The following CD40 variants were observed in gnomAD, a reference collection of about 807,000 sequenced individuals.
CD40 encodes CD40 molecule, also known as tumor necrosis factor receptor superfamily member 5.
Under a neutral mutation model 38.5 loss-of-function variants are expected in CD40, and 19 were observed. The observed-to-expected ratio is 0.49, with a 90% CI of 0.34 to 0.72. The LOEUF (loss-of-function observed/expected upper bound fraction) is 0.72. Among genes scored for constraint, CD40 ranks in the 30% least tolerant of loss-of-function variants. The probability of loss-of-function intolerance (pLI) is 0.01; values close to 1 mark genes in which losing one functional copy is unlikely to be tolerated. For missense variants in CD40, 256 were observed against 344.1 expected, an observed-to-expected ratio of 0.74 and a Z score of 2.03; for synonymous variants, 130 against 128.7, an observed-to-expected ratio of 1.01 and a Z score of -0.07.
chr20:46,127,826 G>T (rs1375119650), intron 6 of CD40, among the ~76,000 whole-genome samples: 1 of 152,224 alleles, frequency 6.6e-6, no homozygotes, highest in Admixed American at 6.5e-5. Context: ...CTCGCTTCTA[G>T]ATGGTTCCCA....
rs11699100 is a variant in CD40 at position 46,122,776 on chromosome 20, A to G, written c.403+20A>G. On this transcript the variant is annotated intron_variant, in intron 4 of 8. Coordinates refer to ENST00000372285, the MANE Select transcript of CD40 (RefSeq NM_001250.6). The surrounding 1 kb of genome is among the most constrained non-coding windows in gnomAD (Gnocchi z 5.0). ...AGATTGGTAAGTGGCTCATCTGGGA[A>G]TCAGTTTTGGAGGGGGACAGAGGAG... 41,479 of 1,613,894 alleles carry G rather than the reference A, an allele frequency of 0.026. 627 individuals carry two copies. The highest frequency in any genetic ancestry group is 0.029 in the Non-Finnish European group (33,982 of 1,179,864).
In CD40 at chr20:46,129,205, G is replaced by A; in HGVS notation, c.*165G>A. 1.4e-6 allele frequency: 1 copy of A among 730,956 alleles called. No individual in the cohort carries two copies. 45.3% of individuals were successfully genotyped at this position (730,956 alleles called of 1,614,324 possible). On this transcript the variant is annotated 3_prime_UTR_variant, in exon 9 of 9. Coordinates refer to ENST00000372285, the MANE Select transcript of CD40 (RefSeq NM_001250.6). ...AGTTTGAGACAGGAGACCTGGCACT[G>A]GATGCAGAAACAGTTCACCTTGAAG...
At chr20:46,121,565 T>C (rs2085318217) in intron 1 of CD40, among the ~76,000 whole-genome samples, 1 of 152,218 alleles carries the variant, frequency 6.6e-6, no homozygotes, top group Non-Finnish European at 1.5e-5. Context: ...AATTCTGTTC[T>C]GTTCAGAGAA....
Position 46,122,697 on chromosome 20 carries a change from C to A in CD40, c.344C>A (p.Ala115Asp), listed in dbSNP as rs537489349. Reference sequence around the variant, plus strand: ...GAAGGCTGGCACTGTACGAGTGAGGCCTGTGAGAGCTGTGTCCTGCACCGC... The same window carrying A: ...GAAGGCTGGCACTGTACGAGTGAGGACTGTGAGAGCTGTGTCCTGCACCGC... ...CEEGWHCTSE[A>D]CESCVLHRSC... is the part of the protein sequence containing the mutation. The change falls in exon 4 of 9, where the codon GCC becomes GAC. Residue 115 changes from alanine to aspartate, a missense_variant. Transcript: ENST00000372285. This position sits in a 1 kb window ranked among gnomAD's most constrained non-coding sequence, Gnocchi z 5.0. 2.0e-5 allele frequency: 33 copies of A among 1,614,136 alleles called. No homozygotes were observed. The South Asian group carries it at 3.5e-4, about 17-fold the overall frequency.
intron 5 of CD40, among the ~76,000 whole-genome samples, chr20:46,123,621 C>G (rs1568907637): frequency 1.3e-5 from 2 of 152,258 alleles, no homozygotes; most frequent in East Asian, 3.9e-4. Context: ...CAAACCCACA[C>G]CAGGTCCTGC....
chr20:46,126,472 G>A (rs3746821), intron 5 of CD40, among the ~76,000 whole-genome samples, 168 bp from the exon 6 acceptor site: 4 of 152,100 alleles, frequency 2.6e-5, no homozygotes, highest in African/African-American at 9.7e-5. Context: ...AGTCTGTGTC[G>A]TTCCTATAAT....
At chr20:46,127,321 A>G (rs2085457148) in intron 6 of CD40, 1 of 155,254 alleles carries the variant, frequency 6.4e-6, no homozygotes, top group Admixed American at 6.3e-5. Context: ...ATTTTTAAAA[A>G]TAAAAATTAA....
At chr20:46,128,783 G>A (rs776250779) in intron 8 of CD40, 99 bp from the exon 9 acceptor site, 14 of 1,304,578 alleles carry the variant, frequency 1.1e-5, no homozygotes, top group Non-Finnish European at 1.5e-5. Flanking sequence ...CTGGGAAAGG[G>A]GGGAGGGCTT....
At chr20:46,128,764 AC>A in intron 8 of CD40, 117 bp from the exon 9 acceptor site, 1 of 1,108,246 alleles carries the variant, frequency 9.0e-7, no homozygotes, top group Non-Finnish European at 1.3e-6. Context: ...ATCAGCACTG[AC>A]CCGCCGTCTG....
In CD40 at chr20:46,128,304, C is replaced by G; in HGVS notation, c.647-26C>G. On this transcript the variant is annotated intron_variant, in intron 7 of 8. Transcript: ENST00000372285. ...TATCTGGCCTCTCCAACTCCCCATC[C>G]TTTTTTTTTTTTTTTTTTTTTTTAG... 5 of 1,439,750 alleles carry G rather than the reference C, an allele frequency of 3.5e-6. No individual in the cohort carries two copies. The South Asian group carries it at 6.4e-5, about 18-fold the overall frequency. 89.2% of individuals were successfully genotyped at this position (1,439,750 alleles called of 1,614,324 possible).
chr20:46,124,887 C>T (rs2085399657), intron 5 of CD40, among the ~76,000 whole-genome samples: 2 of 150,818 alleles, frequency 1.3e-5, no homozygotes, highest in African/African-American at 4.9e-5. Flanking sequence ...CTGCCTCAGC[C>T]TCCTGAGTAG....
In CD40 at chr20:46,124,751, G is replaced by GTTTTTTTTTTTTT. The variant is rs780015926; in HGVS notation, c.497+1553_497+1565dup. ...GATAACTGGAGGCACCACTGGTATA[G>GTTTTTTTTTTTTT]TTTTTTTTTTTTTTTTTTTTTTTTT... On this transcript the variant is annotated intron_variant, in intron 5 of 8. Coordinates refer to ENST00000372285, the MANE Select transcript of CD40 (RefSeq NM_001250.6). Among the ~76,000 whole-genome samples the GTTTTTTTTTTTTT allele has an allele frequency of 5.4e-4, 40 of 73,952 alleles. 8 individuals are homozygous for GTTTTTTTTTTTTT. Among genetic ancestry groups the GTTTTTTTTTTTTT allele is most frequent in the Non-Finnish European group, 7.3e-4 (30 of 40,978 alleles). 48.5% of individuals were successfully genotyped at this position (73,952 alleles called of 152,430 possible). A position where few individuals can be genotyped will look rare whatever the true frequency, so the allele number is the denominator to read the frequency against.
At chr20:46,123,589 C>T (rs777316398) in intron 5 of CD40, among the ~76,000 whole-genome samples, 6 of 152,170 alleles carry the variant, frequency 3.9e-5, no homozygotes, top group Non-Finnish European at 7.3e-5. Context: ...CCCTGAGGGC[C>T]TCCCTCTCTT....
rs1211645093 is a variant in CD40, at chr20:46,118,376, G to A, written c.33G>A (p.Trp11Ter). The change falls in exon 1 of 9, where the codon TGG (tryptophan) becomes TGA (stop). Residue 11 changes from tryptophan to a stop codon, truncating the protein, a stop_gained. Transcript: ENST00000372285. LOFTEE classifies it high-confidence loss of function. ...GTCTGCCTCTGCAGTGCGTCCTCTGGGGCTGCTTGCTGACCGCTGTGAGTT... is the reference window on the plus strand; with the variant it reads ...GTCTGCCTCTGCAGTGCGTCCTCTGAGGCTGCTTGCTGACCGCTGTGAGTT... Reference protein sequence around the residue: MVRLPLQCVLWGCLLTAVHPE... With the variant: MVRLPLQCVL The A allele has an allele frequency of 6.2e-7, 1 of 1,614,016 alleles. No individual in the cohort carries two copies. Among genetic ancestry groups the A allele is most frequent in the Non-Finnish European group, 8.5e-7 (1 of 1,180,010 alleles).
chr20:46,124,100 C>A (rs2085372900), intron 5 of CD40, among the ~76,000 whole-genome samples: 1 of 152,146 alleles, frequency 6.6e-6, no homozygotes, highest in Non-Finnish European at 1.5e-5. Flanking sequence ...GAGTTCAAGA[C>A]CAGCCAGCAC....
At chr20:46,124,565 T>TACCATAC (rs1382704232) in intron 5 of CD40, among the ~76,000 whole-genome samples, 1 of 150,988 alleles carries the variant, frequency 6.6e-6, no homozygotes, top group Non-Finnish European at 1.5e-5. Context: ...AATAGGAGTA[T>TACCATAC]ACATTTTATT....
Position 46,121,906 on chromosome 20 carries a change from G to A in CD40, c.130+8G>A. ...GTTCTTTGTGCCAGCCAGGTGAGAT[G>A]CCAACCCTCTAGCCCCATCATGGAG... On this transcript the variant is annotated splice_region_variant and intron_variant, in intron 2 of 8. Transcript: ENST00000372285. The A allele has an allele frequency of 6.2e-7, 1 of 1,610,692 alleles. No individual in the cohort carries two copies. Among genetic ancestry groups the A allele is most frequent in the Non-Finnish European group, 8.5e-7 (1 of 1,176,842 alleles).
Position 46,128,273 on chromosome 20 carries a change from G to A in CD40, c.646+49G>A, listed in dbSNP as rs1359814573. ...TTGGGGGAGGGAGGGGAGACCACCT[G>A]TTTCTTATCTGGCCTCTCCAACTCC... On this transcript the variant is annotated intron_variant, in intron 7 of 8. Transcript: ENST00000372285. 5 of 1,541,956 alleles carry A rather than the reference G, an allele frequency of 3.2e-6. No individual in the cohort carries two copies. The South Asian group carries it at 3.4e-5, about 10-fold the overall frequency.
intron 1 of CD40, 80 bp downstream of exon 1, chr20:46,118,474 G>A (rs1240433518): frequency 4.6e-6 from 6 of 1,295,622 alleles, no homozygotes; most frequent in Non-Finnish European, 6.7e-6. Context: ...TCGGGGAAGA[G>A]GCCTTCCTGG....
Sources: gnomAD v4.1 joint callset for allele counts (sites outside exome capture counted in the v4.1 genomes callset) on GRCh38, gnomAD v4.1.1 for gene constraint, Gnocchi (gnomAD v3.1) non-coding constraint, MANE v1.5 for transcripts, NCBI Gene and HGNC (gene_info 2026-07-23, HGNC 2026-07-21) for gene names.